CLEC16A: variants seen among roughly 807,000 people sequenced by gnomAD.
The protein encoded by CLEC16A is protein CLEC16A.
In CLEC16A, 51 loss-of-function variants were observed where a neutral mutation model predicts 109.5. The ratio of observed to expected loss-of-function variants is 0.47; its 90% CI spans 0.37 to 0.59. The LOEUF is 0.59. Among genes scored for constraint, CLEC16A ranks in the 20% least tolerant of loss-of-function variants. CLEC16A has a pLI of 0.00. For missense variants in CLEC16A, 1,339 were observed against 1,394.0 expected (o/e 0.96, Z 0.63); for synonymous variants, 673 against 564.2 (o/e 1.19, Z -2.73).
intron 22 of CLEC16A, among the ~76,000 whole-genome samples, chr16:11,134,267 G>A (rs934767595): frequency 2.7e-5 from 4 of 149,810 alleles, no homozygotes; most frequent in Non-Finnish European, 4.4e-5. Flanking sequence ...CTACGTTGTC[G>A]GCTCCAACTC....
intron 13 of CLEC16A, among the ~76,000 whole-genome samples, chr16:11,025,748 CTAAGTT>C (rs34830688): frequency 0.49 from 73,591 of 151,564 alleles, 19,015 homozygotes; most frequent in African/African-American, 0.68. Flanking sequence ...CATGATATAA[CTAAGTT>C]TATGTGTTCT....
intron 22 of CLEC16A, among the ~76,000 whole-genome samples, chr16:11,153,144 G>A (rs867515789): frequency 6.6e-6 from 1 of 152,160 alleles, no homozygotes; most frequent in Non-Finnish European, 1.5e-5. Flanking sequence ...ATTTCAGAGC[G>A]CTGTGTTTGT....
At chr16:11,104,148 G>A (rs147033547) in intron 19 of CLEC16A, among the ~76,000 whole-genome samples, 1,809 of 152,172 alleles carry the variant, frequency 0.012, 11 homozygotes, top group Non-Finnish European at 0.017. Context: ...TCACTCTGTC[G>A]CCCAGGCTGG....
intron 22 of CLEC16A, among the ~76,000 whole-genome samples, chr16:11,139,318 G>A (rs1386872750): frequency 1.3e-5 from 2 of 152,170 alleles, no homozygotes; most frequent in African/African-American, 4.8e-5. Context: ...CTCTGCTGAG[G>A]TTACAGCTTT....
At chr16:11,066,339 C>T (rs1045558498) in intron 19 of CLEC16A, among the ~76,000 whole-genome samples, 12 of 151,904 alleles carry the variant, frequency 7.9e-5, no homozygotes, top group African/African-American at 2.9e-4. Flanking sequence ...TTTGCAGTGG[C>T]GATGCCAGAG....
At chr16:11,105,849 C>T (rs573473006) in intron 19 of CLEC16A, among the ~76,000 whole-genome samples, 1 of 152,334 alleles carries the variant, frequency 6.6e-6, no homozygotes, top group South Asian at 2.1e-4. Flanking sequence ...GATTTATCCA[C>T]CTCTATCTGT....
intron 18 of CLEC16A, among the ~76,000 whole-genome samples, chr16:11,054,495 G>A (rs1212185940): frequency 6.6e-6 from 1 of 152,168 alleles, no homozygotes; most frequent in Non-Finnish European, 1.5e-5. Flanking sequence ...CGAGTGGCTG[G>A]CTGAAGCACA....
rs1220533110 is a variant in CLEC16A at position 11,152,932 on chromosome 16, C to T, written c.2642-13456C>T. On this transcript the variant is annotated intron_variant, in intron 22 of 23. Transcript: ENST00000409790. ...TTCCAGGAATTCATGGCTCTAAAACCGTGGGGCTGACTGGAAAGGATCTCC... is the reference window on the plus strand; with the variant it reads ...TTCCAGGAATTCATGGCTCTAAAACTGTGGGGCTGACTGGAAAGGATCTCC... Among the ~76,000 whole-genome samples, 6 of 152,084 alleles carry T rather than the reference C, an allele frequency of 3.9e-5. No homozygotes were observed. In the South Asian group the frequency reaches 6.2e-4, roughly 16 times the overall value.
chr16:11,153,567 A>C (rs2054380383), intron 22 of CLEC16A, among the ~76,000 whole-genome samples: 1 of 150,766 alleles, frequency 6.6e-6, no homozygotes, highest in African/African-American at 2.5e-5. Flanking sequence ...CTAAGTATAC[A>C]TACTAGATAC....
chr16:11,085,552 A>C (rs1437701989), intron 19 of CLEC16A, among the ~76,000 whole-genome samples: 1 of 152,250 alleles, frequency 6.6e-6, no homozygotes. Context: ...ATTTGGTGAG[A>C]AAATGCATTT....
At chr16:11,103,909 A>G (rs753147309) in intron 19 of CLEC16A, among the ~76,000 whole-genome samples, 1 of 152,194 alleles carries the variant, frequency 6.6e-6, no homozygotes, top group Non-Finnish European at 1.5e-5. Context: ...TCGGAGGAGA[A>G]TCTGGGTTGG....
Position 11,003,279 on chromosome 16 carries a change from G to A in CLEC16A, c.1277G>A (p.Gly426Asp). Reference protein sequence around the residue: ...KAKGTEGGSKGIKTSGESEEI... With the variant: ...KAKGTEGGSKDIKTSGESEEI... ...AAAGGTACAGAGGGTGGTTCAAAAG[G>A]CATCAAGACGAGTGGGGAGAGTGAA... is the stretch of plus-strand genomic sequence containing the variant. The change falls in exon 11 of 24, where the codon GGC becomes GAC. Residue 426 changes from glycine to aspartate, a missense_variant. Gly to Asp is a moderately conservative substitution (Grantham distance 94, BLOSUM62 -1). Transcript: ENST00000409790. The A allele has an allele frequency of 3.1e-6, 5 of 1,612,326 alleles. No individual in the cohort carries two copies. The highest frequency in any genetic ancestry group is 4.2e-6 in the Non-Finnish European group (5 of 1,179,758).
chr16:11,030,410 C>G (rs1189898342), intron 13 of CLEC16A, among the ~76,000 whole-genome samples: 1 of 152,174 alleles, frequency 6.6e-6, no homozygotes, highest in Non-Finnish European at 1.5e-5. Context: ...GTTCTAGTTC[C>G]TTTACCTCCT....
intron 10 of CLEC16A, among the ~76,000 whole-genome samples, chr16:10,998,965 CTG>C (rs1274235715): frequency 6.6e-6 from 1 of 152,168 alleles, no homozygotes; most frequent in East Asian, 1.9e-4. Context: ...TGCATGCTAA[CTG>C]TGATGTTTTG....
At position 10,957,794 on chromosome 16, in the gene CLEC16A, C is replaced by A. The variant is rs199548274; in HGVS notation, c.93C>A (p.His31Gln). 6 of 1,613,778 alleles carry A rather than the reference C, an allele frequency of 3.7e-6. No homozygotes were observed. The highest frequency in any genetic ancestry group is 5.1e-6 in the Non-Finnish European group (6 of 1,179,824). Residue 31 changes from histidine to glutamine, a missense_variant, in exon 2 of 24, where the codon CAC becomes CAA. Coordinates refer to ENST00000409790, the MANE Select transcript of CLEC16A (RefSeq NM_015226.3). Reference protein sequence around the residue: ...HSLDHLKYLYHVLTKNTTVTE... With the variant: ...HSLDHLKYLYQVLTKNTTVTE... ...TCATTTCTCTCAGGTATCTGTACCA[C>A]GTTTTGACCAAAAACACCACAGTCA...
intron 22 of CLEC16A, among the ~76,000 whole-genome samples, chr16:11,153,774 G>A (rs7203409): frequency 0.34 from 50,907 of 151,782 alleles, 9,171 homozygotes; most frequent in African/African-American, 0.48. Context: ...CTTTTATGAT[G>A]AAATATTAAT....
intron 13 of CLEC16A, among the ~76,000 whole-genome samples, chr16:11,033,910 C>T (rs185291453): frequency 2.6e-5 from 4 of 152,170 alleles, no homozygotes; most frequent in African/African-American, 7.2e-5. Context: ...CTATCAAGTC[C>T]GCTGAGTCCT....
At chr16:11,173,540 G>T (rs2068613919) in intron 23 of CLEC16A, among the ~76,000 whole-genome samples, 1 of 152,208 alleles carries the variant, frequency 6.6e-6, no homozygotes, top group African/African-American at 2.4e-5. Context: ...TTAGGTGGCT[G>T]AGGGAGAGGC....
chr16:11,118,459 C>A (rs9937173), intron 19 of CLEC16A, among the ~76,000 whole-genome samples: 1 of 152,172 alleles, frequency 6.6e-6, no homozygotes, highest in East Asian at 1.9e-4. Flanking sequence ...ACAACATCCA[C>A]TGCAGGGCTT....
Sources: allele counts gnomAD v4.1 joint callset (sites outside exome capture counted in the v4.1 genomes callset), GRCh38; gene constraint gnomAD v4.1.1; transcripts MANE v1.5; gene names NCBI Gene and HGNC (gene_info 2026-07-23, HGNC 2026-07-21).